The following CDC42SE2 variants were observed in gnomAD, a reference collection of about 807,000 sequenced individuals.
CDC42SE2 encodes the protein CDC42 small effector protein 2.
CDC42SE2 carries 3 observed loss-of-function variants against 11.5 expected under a neutral mutation model. The observed-to-expected ratio is 0.26, with a 90% CI of 0.12 to 0.67. The LOEUF (loss-of-function observed/expected upper bound fraction) is 0.67. Ranked by LOEUF, CDC42SE2 falls within the 30% of genes least tolerant of loss-of-function variation. CDC42SE2 has a pLI of 0.80. For synonymous variants in CDC42SE2, 33 were observed against 34.8 expected (o/e 0.95, Z 0.18); for missense variants, 82 against 106.8 (o/e 0.77, Z 1.02).
At chr5:131,338,989 T>C (rs1758643136) in intron 2 of CDC42SE2, among the ~76,000 whole-genome samples, 1 of 152,068 alleles carries the variant, frequency 6.6e-6, no homozygotes, top group South Asian at 2.1e-4. Flanking sequence ...GGCTCACACC[T>C]GTAAACCCAG....
intron 4 of CDC42SE2, among the ~76,000 whole-genome samples, chr5:131,387,598 G>T (rs887739652): frequency 6.6e-6 from 1 of 152,000 alleles, no homozygotes; most frequent in Non-Finnish European, 1.5e-5. Flanking sequence ...TTTAGTTCGT[G>T]GCATTTAAAA....
chr5:131,384,121 A>G (rs553446789), intron 3 of CDC42SE2, among the ~76,000 whole-genome samples: 2 of 152,324 alleles, frequency 1.3e-5, no homozygotes, highest in South Asian at 2.1e-4. Context: ...AAACCCAACA[A>G]ACTTGGAGAT....
intron 3 of CDC42SE2, among the ~76,000 whole-genome samples, chr5:131,363,755 G>A (rs1749778809): frequency 6.7e-6 from 1 of 148,566 alleles, no homozygotes; most frequent in Admixed American, 6.7e-5. Flanking sequence ...GAGTGCAGTG[G>A]TGCGATCTTG....
At chr5:131,281,598 ATTTAT>A (rs999998770) in intron 1 of CDC42SE2, among the ~76,000 whole-genome samples, 2 of 152,196 alleles carry the variant, frequency 1.3e-5, no homozygotes, top group African/African-American at 4.8e-5. Context: ...CTCTTTTAAG[ATTTAT>A]TTTGTGAACA....
At chr5:131,356,967 G>A (rs1346599885) in intron 2 of CDC42SE2, among the ~76,000 whole-genome samples, 2 of 152,078 alleles carry the variant, frequency 1.3e-5, no homozygotes, top group Non-Finnish European at 2.9e-5. Context: ...TTTTGATCCA[G>A]GGTGAAATTA....
chr5:131,254,895 A>C (rs1756668780), intron 1 of CDC42SE2, among the ~76,000 whole-genome samples: 1 of 152,166 alleles, frequency 6.6e-6, no homozygotes, highest in Non-Finnish European at 1.5e-5. Context: ...GATTTGTCAT[A>C]TGTTTTGGAA....
chr5:131,327,990 G>A (rs977337489), intron 2 of CDC42SE2, among the ~76,000 whole-genome samples: 42 of 152,130 alleles, frequency 2.8e-4, no homozygotes, highest in African/African-American at 9.4e-4. Flanking sequence ...AGATCAACGG[G>A]CCAACATGTT....
chr5:131,343,262 G>A (rs1758756699), intron 2 of CDC42SE2, among the ~76,000 whole-genome samples: 1 of 152,024 alleles, frequency 6.6e-6, no homozygotes, highest in African/African-American at 2.4e-5. Context: ...TTAGCAGGTG[G>A]ATATAAATGT....
intron 1 of CDC42SE2, among the ~76,000 whole-genome samples, chr5:131,307,280 T>G (rs564793854): frequency 2.1e-5 from 3 of 139,936 alleles, no homozygotes; most frequent in Non-Finnish European, 4.6e-5. Flanking sequence ...TGTGATCTCA[T>G]TGTTCAGTTC....
intron 1 of CDC42SE2, among the ~76,000 whole-genome samples, chr5:131,299,820 A>G (rs1757644946): frequency 2.0e-5 from 3 of 152,204 alleles, no homozygotes; most frequent in Admixed American, 1.3e-4. Flanking sequence ...CAAAACCCTT[A>G]AGAACTATTA....
intron 2 of CDC42SE2, among the ~76,000 whole-genome samples, chr5:131,320,602 C>T (rs1170562303): frequency 2.0e-5 from 3 of 151,516 alleles, no homozygotes; most frequent in Admixed American, 6.6e-5. Context: ...ATTAGCCAGG[C>T]ATGGTGGCGC....
intron 2 of CDC42SE2, among the ~76,000 whole-genome samples, chr5:131,319,452 T>C (rs1440587736): frequency 6.6e-6 from 1 of 152,200 alleles, no homozygotes; most frequent in Non-Finnish European, 1.5e-5. Context: ...AGTTAGGCTG[T>C]TGTACCCCCA....
chr5:131,233,116 T>G, the CDC42SE2 span, among the ~76,000 whole-genome samples: 5,115 of 152,142 alleles, frequency 0.034, 282 homozygotes, highest in African/African-American at 0.11. Context: ...CTGTATATAT[T>G]TTTTCCTTTC....
intron 1 of CDC42SE2, among the ~76,000 whole-genome samples, chr5:131,310,322 T>C (rs1580745851): frequency 6.6e-6 from 1 of 151,850 alleles, no homozygotes. Flanking sequence ...TAGTTTGTTA[T>C]AATTTCTGTT....
chr5:131,337,833 G>A (rs1322702555), intron 2 of CDC42SE2, among the ~76,000 whole-genome samples: 1 of 152,226 alleles, frequency 6.6e-6, no homozygotes, highest in Non-Finnish European at 1.5e-5. Context: ...CAGCATTAGG[G>A]TGGGAGTTAC....
intron 1 of CDC42SE2, among the ~76,000 whole-genome samples, chr5:131,292,499 C>T (rs553437644): frequency 7.1e-4 from 101 of 142,176 alleles, no homozygotes; most frequent in Middle Eastern, 3.8e-3. Context: ...ACCCAGGAAG[C>T]GGAGGTTGCA....
intron 3 of CDC42SE2, among the ~76,000 whole-genome samples, chr5:131,374,779 C>G (rs896325599): frequency 6.6e-6 from 1 of 152,060 alleles, no homozygotes; most frequent in Non-Finnish European, 1.5e-5. Context: ...CTTTGAAACA[C>G]AGTTGTTCAC....
At chr5:131,240,285 A>G in the CDC42SE2 span, among the ~76,000 whole-genome samples, 4 of 152,162 alleles carry the variant, frequency 2.6e-5, no homozygotes, top group Non-Finnish European at 5.9e-5. Flanking sequence ...ATATAGCAGT[A>G]TTGGGTTTCT....
intron 3 of CDC42SE2, among the ~76,000 whole-genome samples, chr5:131,380,114 TATTTA>T (rs2149785702): frequency 6.6e-6 from 1 of 151,234 alleles, no homozygotes; most frequent in East Asian, 2.0e-4. Flanking sequence ...TTAAAGAAAA[TATTTA>T]ATTTTCCATA....
Sources: gnomAD v4.1 joint callset for allele counts (sites outside exome capture counted in the v4.1 genomes callset) on GRCh38, gnomAD v4.1.1 for gene constraint, MANE v1.5 for transcripts, NCBI Gene and HGNC (gene_info 2026-07-23, HGNC 2026-07-21) for gene names.